PTPN3: variants seen among roughly 807,000 people sequenced by gnomAD.
PTPN3 encodes tyrosine-protein phosphatase non-receptor type 3.
Under a neutral mutation model 132.7 loss-of-function variants are expected in PTPN3, and 96 were observed. The ratio of observed to expected loss-of-function variants is 0.72; its 90% CI spans 0.61 to 0.86. PTPN3 has a LOEUF of 0.86. PTPN3 is among the 40% of genes least tolerant of loss of function. PTPN3 has a pLI of 0.00. For synonymous variants in PTPN3, 398 were observed against 429.0 expected, an observed-to-expected ratio of 0.93 and a Z score of 0.89; for missense variants, 1,125 against 1,159.6, an observed-to-expected ratio of 0.97 and a Z score of 0.43.
rs59324117 is a variant in PTPN3, at chr9:109,406,549, C to G, written c.1705G>C (p.Glu569Gln). 291 of 1,614,162 alleles carry G rather than the reference C, an allele frequency of 1.8e-4. 2 individuals carry two copies. In the African/African-American group the frequency reaches 3.5e-3, roughly 19 times the overall value. The change falls in exon 18 of 26, where the codon GAA becomes CAA. Residue 569 changes from glutamate (E) to glutamine (Q), a missense_variant. Coordinates refer to ENST00000374541, the MANE Select transcript of PTPN3 (RefSeq NM_002829.4). ...ATCACCACTTGGTCATGCGTGTGTT[C>G]TGAGATGTCCCGGCCATTGATTAAC... Reference protein sequence around the residue: ...IVLINGRDISEHTHDQVVMFI... With the variant: ...IVLINGRDISQHTHDQVVMFI...
At chr9:109,496,858 T>C (rs749471547) in intron 1 of PTPN3, among the ~76,000 whole-genome samples, 1 of 152,154 alleles carries the variant, frequency 6.6e-6, no homozygotes, top group African/African-American at 2.4e-5. Context: ...CAAAGAATTA[T>C]CAAACCCTAA....
the PTPN3 span, chr9:109,533,319 T>G: frequency 4.6e-6 from 2 of 432,258 alleles, no homozygotes; most frequent in Non-Finnish European, 8.5e-6. Flanking sequence ...TAATTTTTTG[T>G]ATTTTTAGTA....
chr9:109,510,576 A>AAAAAAAAAATATAT, the PTPN3 span, among the ~76,000 whole-genome samples: 1 of 47,330 alleles, frequency 2.1e-5, no homozygotes, highest in African/African-American at 7.5e-5. Flanking sequence ...AAAAAAAAAA[A>AAAAAAAAAATATAT]ATATATATAT....
chr9:109,470,042 C>CTT (rs72168115), intron 1 of PTPN3, among the ~76,000 whole-genome samples: 315 of 148,186 alleles, frequency 2.1e-3, no homozygotes, highest in South Asian at 4.5e-3. Flanking sequence ...CTTCCCTCTA[C>CTT]TTTTTTTTTT....
intron 5 of PTPN3, 124 bp from the exon 6 acceptor site, chr9:109,448,979 T>C (rs1325445311): frequency 6.8e-7 from 1 of 1,475,340 alleles, no homozygotes; most frequent in Non-Finnish European, 8.9e-7. Flanking sequence ...AAATACGGTT[T>C]TGGTCCAAGG....
At chr9:109,492,113 C>T (rs533590307) in intron 1 of PTPN3, among the ~76,000 whole-genome samples, 7 of 152,264 alleles carry the variant, frequency 4.6e-5, no homozygotes, top group Admixed American at 6.5e-5. Context: ...GGAGGGGACT[C>T]GGGGGAGCCA....
Position 109,482,644 on chromosome 9 carries a change from TC to T in PTPN3, c.-18+15574del, listed in dbSNP as rs538765338. Among the ~76,000 whole-genome samples, 872 of 152,276 alleles carry T rather than the reference TC, an allele frequency of 5.7e-3. 7 individuals are homozygous for T. The highest frequency in any genetic ancestry group is 0.02 in the African/African-American group (823 of 41,536). On this transcript the variant is annotated intron_variant, in intron 1 of 25. Transcript: ENST00000374541. Reference sequence around the variant, plus strand: ...ACTCTCTGCTGCCTCCTGTCCCATTTCTGCATCCCCAACCCTGCTTCCTCTT... The same window carrying T: ...ACTCTCTGCTGCCTCCTGTCCCATTTTGCATCCCCAACCCTGCTTCCTCTT...
intron 4 of PTPN3, 123 bp downstream of exon 4, chr9:109,457,050 A>C (rs553580395): frequency 6.0e-6 from 6 of 1,006,708 alleles, no homozygotes; most frequent in Middle Eastern, 2.1e-4. Flanking sequence ...CGGCTCACTC[A>C]TGACTCCTGG....
At chr9:109,459,243 CA>C (rs1293451098) in intron 2 of PTPN3, among the ~76,000 whole-genome samples, 2 of 152,270 alleles carry the variant, frequency 1.3e-5, no homozygotes, top group African/African-American at 2.4e-5. Flanking sequence ...ACCAGGTCAC[CA>C]CCAGGGCTCG....
At chr9:109,483,207 G>A (rs956687401) in intron 1 of PTPN3, among the ~76,000 whole-genome samples, 4 of 152,194 alleles carry the variant, frequency 2.6e-5, no homozygotes, top group African/African-American at 7.2e-5. Flanking sequence ...CAGAGCTGAC[G>A]CCCAATATGC....
At chr9:109,517,475 C>T in the PTPN3 span, among the ~76,000 whole-genome samples, 3 of 152,230 alleles carry the variant, frequency 2.0e-5, no homozygotes, top group East Asian at 1.9e-4. Context: ...ACTGCTATAC[C>T]GTCCAAAGCG....
At chr9:109,399,617 G>A (rs74841363) in intron 19 of PTPN3, among the ~76,000 whole-genome samples, 5,479 of 147,318 alleles carry the variant, frequency 0.037, 144 homozygotes, top group East Asian at 0.15. Flanking sequence ...TTTACTGAAA[G>A]CCACAGGAGG....
chr9:109,393,691 C>T (rs534523275), intron 19 of PTPN3, among the ~76,000 whole-genome samples: 1 of 152,084 alleles, frequency 6.6e-6, no homozygotes, highest in African/African-American at 2.4e-5. Context: ...ACCAAGTTGC[C>T]CTACAGGGAT....
At chr9:109,488,431 A>G (rs897300996) in intron 1 of PTPN3, among the ~76,000 whole-genome samples, 2 of 152,172 alleles carry the variant, frequency 1.3e-5, no homozygotes, top group Non-Finnish European at 2.9e-5. Context: ...AAAATCTAAT[A>G]ACACAGTTAA....
At position 109,402,608 on chromosome 9, in the gene PTPN3, G is replaced by C. The variant is rs188866747; in HGVS notation, c.1953+1840C>G. ...TTTTCTTCTTTTTAACCAAAAGTGT[G>C]AACAGCCTCCTGTAGGCCACTGAAA... On this transcript the variant is annotated intron_variant, in intron 19 of 25. Transcript: ENST00000374541. 4.4e-4 allele frequency among the ~76,000 whole-genome samples: 67 copies of C among 152,046 alleles called. 1 individual carries two copies. Among genetic ancestry groups the C allele is most frequent in the Non-Finnish European group, 8.1e-4 (55 of 67,988 alleles).
intron 7 of PTPN3, among the ~76,000 whole-genome samples, chr9:109,439,002 C>A (rs1356888682): frequency 1.3e-5 from 2 of 152,178 alleles, no homozygotes; most frequent in African/African-American, 2.4e-5. Flanking sequence ...AGCCCCTGGG[C>A]AAAATGGTAC....
intron 13 of PTPN3, among the ~76,000 whole-genome samples, chr9:109,421,560 T>C (rs1419489296): frequency 6.6e-6 from 1 of 152,166 alleles, no homozygotes; most frequent in African/African-American, 2.4e-5. Flanking sequence ...CCAACCCCGC[T>C]GTTCCCCTGG....
the PTPN3 span, among the ~76,000 whole-genome samples, chr9:109,519,565 C>T: frequency 1.3e-5 from 2 of 152,148 alleles, no homozygotes; most frequent in African/African-American, 4.8e-5. Context: ...AAGGAACTTC[C>T]TCAAGGTCAC....
In PTPN3 at chr9:109,407,777, G is replaced by A. The variant is rs61453688; in HGVS notation, c.1635+544C>T. The stretch of plus-strand genomic sequence containing the variant: ...CAGGCAGGTTGGTCTCAAACTCCTG[G>A]CCTCAAGTGATTCACCCTCCTCGGC... On this transcript the variant is annotated intron_variant, in intron 17 of 25. Transcript: ENST00000374541. 4.1e-3 allele frequency among the ~76,000 whole-genome samples: 627 copies of A among 152,236 alleles called. 7 individuals are homozygous for A. Among genetic ancestry groups the A allele is most frequent in the African/African-American group, 0.014 (600 of 41,546 alleles).
Sources: allele counts gnomAD v4.1 joint callset (sites outside exome capture counted in the v4.1 genomes callset), GRCh38; gene constraint gnomAD v4.1.1; transcripts MANE v1.5; gene names NCBI Gene and HGNC (gene_info 2026-07-23, HGNC 2026-07-21).